Variants in DPP10 observed in about 807,000 individuals in gnomAD.
DPP10 encodes the protein inactive dipeptidyl peptidase 10.
A neutral mutation model predicts 120.9 loss-of-function variants in DPP10; 33 were observed. The observed-to-expected ratio is 0.27, with a 90% CI of 0.21 to 0.37. The LOEUF is 0.37. Ranked by LOEUF, DPP10 falls within the 10% of genes least tolerant of loss-of-function variation. The pLI, the probability that DPP10 is intolerant of heterozygous loss-of-function variation, is 1.00. For missense variants in DPP10, 816 were observed against 942.8 expected, an observed-to-expected ratio of 0.87 and a Z score of 1.76; for synonymous variants, 337 against 326.1, an observed-to-expected ratio of 1.03 and a Z score of -0.36.
chr2:114,949,217 C>T (rs1038320531), intron 1 of DPP10, among the ~76,000 whole-genome samples: 2 of 152,114 alleles, frequency 1.3e-5, no homozygotes, highest in South Asian at 2.1e-4. Context: ...GCCACCGCGC[C>T]TGGCCCAGTA....
intron 1 of DPP10, among the ~76,000 whole-genome samples, chr2:114,729,074 C>T (rs538989228): frequency 8.5e-5 from 13 of 152,220 alleles, no homozygotes; most frequent in East Asian, 5.8e-4. Context: ...TAGAGCACAA[C>T]GGCTTTGTAT....
At chr2:115,242,134 C>T (rs1381329893) in intron 1 of DPP10, among the ~76,000 whole-genome samples, 5 of 152,058 alleles carry the variant, frequency 3.3e-5, no homozygotes, top group East Asian at 1.9e-4. Flanking sequence ...CAATTTGTAG[C>T]GTTTTATCCC....
intron 3 of DPP10, among the ~76,000 whole-genome samples, chr2:115,477,069 G>T (rs547323758): frequency 6.6e-6 from 1 of 152,246 alleles, no homozygotes; most frequent in East Asian, 1.9e-4. Flanking sequence ...ACTCGCAATG[G>T]TGAAATTGCT....
intron 1 of DPP10, among the ~76,000 whole-genome samples, chr2:114,885,713 A>G (rs564930701): frequency 6.6e-6 from 1 of 152,298 alleles, no homozygotes; most frequent in East Asian, 1.9e-4. Flanking sequence ...ATTTAAAAAT[A>G]ATGGAGGAGG....
chr2:115,306,352 G>A (rs1039838134), intron 1 of DPP10, among the ~76,000 whole-genome samples: 3 of 152,070 alleles, frequency 2.0e-5, no homozygotes, highest in Non-Finnish European at 2.9e-5. Flanking sequence ...GGAATGGAAT[G>A]GTGATGTGAA....
intron 3 of DPP10, among the ~76,000 whole-genome samples, chr2:115,437,187 A>G (rs949078670): frequency 1.3e-5 from 2 of 152,058 alleles, no homozygotes; most frequent in African/African-American, 4.8e-5. Context: ...ATAATGGATA[A>G]TAGGGTGAAG....
intron 1 of DPP10, among the ~76,000 whole-genome samples, chr2:114,874,939 C>T (rs1362984738): frequency 6.6e-6 from 1 of 152,124 alleles, no homozygotes; most frequent in African/African-American, 2.4e-5. Context: ...CAAGTGGTTT[C>T]TTTGCTGTTC....
chr2:114,620,279 T>G (rs1170464158), intron 1 of DPP10, among the ~76,000 whole-genome samples: 1 of 151,982 alleles, frequency 6.6e-6, no homozygotes. Context: ...GTTTTTGGCA[T>G]GTCATTTTCA....
At chr2:115,686,107 A>G (rs1427284939) in intron 5 of DPP10, among the ~76,000 whole-genome samples, 3 of 151,984 alleles carry the variant, frequency 2.0e-5, no homozygotes, top group Non-Finnish European at 4.4e-5. Flanking sequence ...TTTACTGTAA[A>G]CAATTATCGT....
At chr2:114,640,857 G>A (rs1219683510) in intron 1 of DPP10, among the ~76,000 whole-genome samples, 1 of 151,892 alleles carries the variant, frequency 6.6e-6, no homozygotes, top group East Asian at 1.9e-4. Context: ...ACCCGGTCTT[G>A]GAATGAGGGG....
intron 1 of DPP10, among the ~76,000 whole-genome samples, chr2:114,709,630 T>A (rs1402755334): frequency 6.6e-6 from 1 of 152,188 alleles, no homozygotes; most frequent in Non-Finnish European, 1.5e-5. Flanking sequence ...CTTTGCCTTA[T>A]GAAACTGCCA....
intron 1 of DPP10, among the ~76,000 whole-genome samples, chr2:114,853,464 C>T (rs1489181378): frequency 1.3e-5 from 2 of 151,832 alleles, no homozygotes; most frequent in African/African-American, 2.4e-5. Context: ...TGAGGCCCAC[C>T]GAAGACCCAC....
At chr2:115,031,722 C>G (rs76248021) in intron 1 of DPP10, among the ~76,000 whole-genome samples, 1 of 151,996 alleles carries the variant, frequency 6.6e-6, no homozygotes, top group African/African-American at 2.4e-5. Flanking sequence ...AATAATGTGA[C>G]GAAGCAGCTT....
rs78638130 is a variant in DPP10, at chr2:114,888,286, A to G, written c.61-420953A>G. Among the ~76,000 whole-genome samples, 918 of 152,324 alleles carry G rather than the reference A, an allele frequency of 6.0e-3. 7 individuals are homozygous for G. The highest frequency in any genetic ancestry group is 0.021 in the African/African-American group (877 of 41,576). ...AGTTTTCCAGCACAGAGTAGAACGCACCAAATGTGTTGATTAACTGATTCC... is the reference window on the plus strand; with the variant it reads ...AGTTTTCCAGCACAGAGTAGAACGCGCCAAATGTGTTGATTAACTGATTCC... On this transcript the variant is annotated intron_variant, in intron 1 of 25. Coordinates refer to ENST00000410059, the MANE Select transcript of DPP10 (RefSeq NM_020868.6).
chr2:115,349,928 T>C (rs1433943391), intron 3 of DPP10, among the ~76,000 whole-genome samples: 1 of 152,086 alleles, frequency 6.6e-6, no homozygotes, highest in Non-Finnish European at 1.5e-5. Flanking sequence ...AATTATCTTA[T>C]GTTTATCTTA....
intron 1 of DPP10, among the ~76,000 whole-genome samples, chr2:114,911,401 A>T (rs961245512): frequency 1.3e-5 from 2 of 152,208 alleles, no homozygotes; most frequent in Non-Finnish European, 2.9e-5. Flanking sequence ...GGTGCTTAAC[A>T]CTAAGCATAA....
intron 7 of DPP10, among the ~76,000 whole-genome samples, chr2:115,710,378 G>A (rs970899621): frequency 2.6e-5 from 4 of 152,014 alleles, no homozygotes; most frequent in African/African-American, 7.2e-5. Flanking sequence ...GACAAAAATG[G>A]TGAGGGAGAA....
intron 1 of DPP10, among the ~76,000 whole-genome samples, chr2:115,287,986 G>C (rs77536109): frequency 0.012 from 1,831 of 152,172 alleles, 26 homozygotes; most frequent in African/African-American, 0.042. Flanking sequence ...AAATACACGT[G>C]CAAGTGTCTT....
At chr2:114,526,275 A>G (rs1168594599) in intron 1 of DPP10, among the ~76,000 whole-genome samples, 2 of 152,226 alleles carry the variant, frequency 1.3e-5, no homozygotes, top group African/African-American at 2.4e-5. Flanking sequence ...ACATTGGTCA[A>G]TCAGAAAATA....
Sources: allele counts gnomAD v4.1 joint callset (sites outside exome capture counted in the v4.1 genomes callset), GRCh38; gene constraint gnomAD v4.1.1; transcripts MANE v1.5; gene names NCBI Gene and HGNC (gene_info 2026-07-23, HGNC 2026-07-21).